Variants in IFT88 observed in about 807,000 individuals in gnomAD.
The protein encoded by IFT88 is intraflagellar transport 88.
IFT88 carries 74 observed loss-of-function variants against 119.5 expected under a neutral mutation model. The observed-to-expected ratio is 0.62, with a 90% CI of 0.51 to 0.75. The LOEUF is 0.75. Among genes scored for constraint, IFT88 ranks in the 30% least tolerant of loss-of-function variants. The pLI is 0.00. For missense variants in IFT88, 961 were observed against 977.7 expected (o/e 0.98, Z 0.23); for synonymous variants, 279 against 316.7 (o/e 0.88, Z 1.26).
At chr13:20,632,730 A>G (rs186287386) in intron 16 of IFT88, among the ~76,000 whole-genome samples, 81 of 152,328 alleles carry the variant, frequency 5.3e-4, no homozygotes, top group African/African-American at 1.8e-3. Flanking sequence ...TTAATGGTTT[A>G]TATGTGATTC....
chr13:20,611,711 TCCCCTG>T (rs1339473047), intron 13 of IFT88, among the ~76,000 whole-genome samples: 1 of 151,908 alleles, frequency 6.6e-6, no homozygotes, highest in African/African-American at 2.4e-5. Context: ...TTCGAGCGAT[TCCCCTG>T]CCTCAGCCTC....
In IFT88 at chr13:20,643,524, C is replaced by A. The variant is rs150069350; in HGVS notation, c.1752C>A (p.Thr584=). ...WLMQVVSVIP[T]DPQVLSKLGE... is the part of the protein sequence containing the mutation. ...TGCAGGTGGTCAGTGTTATTCCAAC[C>A]GATCCTCAAGTTTTATCTAAGCTAG... The change falls in exon 19 of 26, where the codon ACC becomes ACA. Residue 584 remains threonine (T), a synonymous_variant. Coordinates refer to ENST00000351808, the MANE Select transcript of IFT88 (RefSeq NM_006531.5). The A allele has an allele frequency of 3.1e-6, 5 of 1,611,786 alleles. No homozygotes were observed. Among genetic ancestry groups the A allele is most frequent in the Non-Finnish European group, 4.2e-6 (5 of 1,178,196 alleles).
chr13:20,600,692 G>A (rs1487776367), intron 11 of IFT88, among the ~76,000 whole-genome samples: 3 of 127,904 alleles, frequency 2.3e-5, no homozygotes, highest in East Asian at 2.4e-4. Context: ...CAGCTACTTC[G>A]GAAAACAGGC....
intron 10 of IFT88, among the ~76,000 whole-genome samples, chr13:20,599,198 C>T (rs1462362878): frequency 2.0e-5 from 3 of 151,954 alleles, no homozygotes; most frequent in East Asian, 1.9e-4. Context: ...CTTAGAAGAA[C>T]GCACAATAAT....
At chr13:20,584,470 T>C (rs1273374368) in intron 3 of IFT88, among the ~76,000 whole-genome samples, 2 of 152,220 alleles carry the variant, frequency 1.3e-5, no homozygotes, top group African/African-American at 4.8e-5. Flanking sequence ...TTCTAATTTT[T>C]AAAGTGGCAT....
In IFT88 at chr13:20,649,814, A is replaced by G. The variant is rs184984238; in HGVS notation, c.1950-4062A>G. On this transcript the variant is annotated intron_variant, in intron 20 of 25. Coordinates refer to ENST00000351808, the MANE Select transcript of IFT88 (RefSeq NM_006531.5). The stretch of plus-strand genomic sequence containing the variant: ...GATTAGAAATGCAAGTAGAGGCCTC[A>G]CTACCAATTTTACGTAAATAAAAAG... Among the ~76,000 whole-genome samples the G allele has an allele frequency of 2.1e-3, 323 of 152,286 alleles. 1 individual carries two copies. The highest frequency in any genetic ancestry group is 3.5e-3 in the Non-Finnish European group (237 of 67,976).
At chr13:20,677,182 C>G (rs527537352) in intron 24 of IFT88, among the ~76,000 whole-genome samples, 79 of 152,294 alleles carry the variant, frequency 5.2e-4, no homozygotes, top group African/African-American at 1.8e-3. Context: ...CAGAGTCTCC[C>G]TCTCCTCACT....
chr13:20,641,566 T>C (rs1461868244), intron 18 of IFT88, 168 bp downstream of exon 18: 1 of 472,814 alleles, frequency 2.1e-6, no homozygotes, highest in African/African-American at 1.9e-5. Context: ...ATTTGAGTAA[T>C]CCTATTTTAA....
chr13:20,631,231 A>G, intron 16 of IFT88, 129 bp downstream of exon 16: 1 of 655,944 alleles, frequency 1.5e-6, no homozygotes. Flanking sequence ...TGAGGAGTAT[A>G]GAGGATCTGA....
chr13:20,685,014 G>A (rs189706471), intron 24 of IFT88, among the ~76,000 whole-genome samples: 39 of 152,352 alleles, frequency 2.6e-4, no homozygotes, highest in African/African-American at 7.9e-4. Context: ...GCTGACAGCC[G>A]TCAGAGCTGA....
chr13:20,651,423 TACACATGTTTGTGTA>T (rs909086669), intron 20 of IFT88, among the ~76,000 whole-genome samples: 2 of 146,122 alleles, frequency 1.4e-5, no homozygotes, highest in Non-Finnish European at 3.0e-5. Flanking sequence ...ATCAGATACT[TACACATGTTTGTGTA>T]AGTATCTGAT....
At chr13:20,650,334 A>G (rs2051423530) in intron 20 of IFT88, among the ~76,000 whole-genome samples, 1 of 152,196 alleles carries the variant, frequency 6.6e-6, no homozygotes, top group Non-Finnish European at 1.5e-5. Context: ...AGATCAGTCA[A>G]TTTAATACTT....
chr13:20,588,403 A>G (rs2040097772), intron 3 of IFT88, among the ~76,000 whole-genome samples: 2 of 151,866 alleles, frequency 1.3e-5, no homozygotes, highest in South Asian at 4.2e-4. Context: ...GTTTCTTTCT[A>G]TTCTTTTGTT....
intron 15 of IFT88, 111 bp downstream of exon 15, chr13:20,625,960 G>A: frequency 6.3e-6 from 2 of 315,108 alleles, no homozygotes; most frequent in South Asian, 9.9e-5. Flanking sequence ...TTCTGAAGTT[G>A]AATAATATTT....
chr13:20,681,040 C>G (rs1262094031), intron 24 of IFT88, among the ~76,000 whole-genome samples: 2 of 152,194 alleles, frequency 1.3e-5, no homozygotes, highest in Admixed American at 6.5e-5. Flanking sequence ...CCCTGTTTCC[C>G]CCTTCTGCTT....
intron 7 of IFT88, among the ~76,000 whole-genome samples, chr13:20,594,973 G>T (rs2041382081): frequency 6.6e-6 from 1 of 152,206 alleles, no homozygotes; most frequent in Non-Finnish European, 1.5e-5. Context: ...TGTATTCAGA[G>T]TATTGTTGTA....
chr13:20,598,873 A>C, intron 10 of IFT88, 120 bp downstream of exon 10: 1 of 601,636 alleles, frequency 1.7e-6, no homozygotes, highest in South Asian at 2.0e-5. Context: ...ATCAGTATTT[A>C]TGATAGGGGT....
chr13:20,599,346 T>C, intron 10 of IFT88, 105 bp from the exon 11 acceptor site: 1 of 553,296 alleles, frequency 1.8e-6, no homozygotes, highest in Non-Finnish European at 3.2e-6. Flanking sequence ...ATCTGAGACT[T>C]CATAACTGAG....
chr13:20,677,530 A>G (rs2056822661), intron 24 of IFT88, among the ~76,000 whole-genome samples: 1 of 152,202 alleles, frequency 6.6e-6, no homozygotes, highest in African/African-American at 2.4e-5. Context: ...GCAAAGGAAG[A>G]TCAGCTTCCT....
Sources: gnomAD v4.1 joint callset for allele counts (sites outside exome capture counted in the v4.1 genomes callset) on GRCh38, gnomAD v4.1.1 for gene constraint, MANE v1.5 for transcripts, NCBI Gene and HGNC (gene_info 2026-07-23, HGNC 2026-07-21) for gene names.